Variants in WDPCP observed in about 807,000 individuals in gnomAD.
The protein encoded by WDPCP is WD repeat containing planar cell polarity effector.
A neutral mutation model predicts 93.1 loss-of-function variants in WDPCP; 71 were observed. The observed-to-expected ratio is 0.76, with a 90% CI of 0.63 to 0.93. WDPCP has a LOEUF of 0.93. Ranked by LOEUF, WDPCP falls within the 40% of genes least tolerant of loss-of-function variation. The pLI is 0.00. For missense variants in WDPCP, 844 were observed against 887.4 expected, an observed-to-expected ratio of 0.95 and a Z score of 0.62; for synonymous variants, 315 against 315.0, an observed-to-expected ratio of 1.00 and a Z score of 0.00.
chr2:63,584,731 CTG>C lies in WDPCP; in HGVS notation c.75+3464_75+3465del, dbSNP rs1390818989. Among the ~76,000 whole-genome samples the C allele has an allele frequency of 1.4e-4, 22 of 152,190 alleles. No homozygotes were observed. The East Asian group carries it at 3.9e-3, about 27-fold the overall frequency. On this transcript the variant is annotated intron_variant, in intron 1 of 17. Transcript: ENST00000272321. ...TACGTTTCCAGATATAATGATCACT[CTG>C]TGTTATTAGCCTCATTGTATTAATA...
At chr2:63,525,866 C>T (rs1703302131) in intron 1 of WDPCP, among the ~76,000 whole-genome samples, 1 of 152,134 alleles carries the variant, frequency 6.6e-6, no homozygotes, top group South Asian at 2.1e-4. Flanking sequence ...GGCAAGGCTG[C>T]CTTTCCTTTT....
chr2:63,624,254 C>G (rs568994093), intron 3 of WDPCP, among the ~76,000 whole-genome samples: 7 of 152,094 alleles, frequency 4.6e-5, no homozygotes, highest in Non-Finnish European at 8.8e-5. Flanking sequence ...AATTGACACC[C>G]TGACATCACA....
intron 2 of WDPCP, among the ~76,000 whole-genome samples, chr2:63,804,795 C>T (rs1317039333): frequency 3.3e-5 from 5 of 151,450 alleles, no homozygotes; most frequent in East Asian, 2.0e-4. Flanking sequence ...TTTGGGAGGC[C>T]GAGGCGAGCA....
At chr2:63,830,959 C>T (rs750381194), upstream of WDPCP, among the ~76,000 whole-genome samples, 1 of 152,008 alleles carries the variant, frequency 6.6e-6, no homozygotes, top group Non-Finnish European at 1.5e-5. Context: ...TCTTCTTGAC[C>T]TCTGTCTTGT....
intron 8 of WDPCP, among the ~76,000 whole-genome samples, chr2:63,435,426 C>T (rs909725636): frequency 6.6e-6 from 1 of 152,122 alleles, no homozygotes; most frequent in African/African-American, 2.4e-5. Flanking sequence ...TATTTAAGCT[C>T]TCAATATCAT....
chr2:63,456,742 C>T (rs574231848), intron 6 of WDPCP, among the ~76,000 whole-genome samples: 1 of 152,060 alleles, frequency 6.6e-6, no homozygotes, highest in African/African-American at 2.4e-5. Context: ...TCAGGCCAGG[C>T]ACGGTGGCTC....
At chr2:63,191,645 A>G (rs866950931) in intron 14 of WDPCP, among the ~76,000 whole-genome samples, 6 of 152,178 alleles carry the variant, frequency 3.9e-5, no homozygotes, top group South Asian at 4.2e-4. Context: ...ATTAAACTCT[A>G]TTATTTCTAT....
intron 12 of WDPCP, among the ~76,000 whole-genome samples, chr2:63,355,378 A>T (rs192382483): frequency 6.6e-6 from 1 of 152,304 alleles, no homozygotes; most frequent in Non-Finnish European, 1.5e-5. Flanking sequence ...GAGAAATAAG[A>T]TCCTTTTCAG....
At position 63,132,637 on chromosome 2, in the gene WDPCP, G is replaced by A. The variant is rs892596445; in HGVS notation, c.2191-10581C>T. On this transcript the variant is annotated intron_variant, in intron 17 of 17. Coordinates refer to ENST00000272321, the MANE Select transcript of WDPCP (RefSeq NM_015910.7). ...TTGAATCCCTCTAGTGAATTTTTAA[G>A]TTTGACTATCCCCAGTGTGCCCATT... Among the ~76,000 whole-genome samples the A allele has an allele frequency of 2.0e-5, 3 of 150,516 alleles. No individual in the cohort carries two copies. In the Admixed American group the frequency reaches 2.0e-4, roughly 10 times the overall value.
At chr2:63,277,466 GCATAAGAATT>G (rs1300496278) in intron 13 of WDPCP, among the ~76,000 whole-genome samples, 1 of 152,186 alleles carries the variant, frequency 6.6e-6, no homozygotes, top group Non-Finnish European at 1.5e-5. Flanking sequence ...ATGGCAGAAT[GCATAAGAATT>G]CACCAACCAA....
At chr2:63,430,614 T>C (rs1438886762) in intron 9 of WDPCP, among the ~76,000 whole-genome samples, 3 of 152,230 alleles carry the variant, frequency 2.0e-5, no homozygotes, top group East Asian at 1.9e-4. Flanking sequence ...CTGGGCGTGG[T>C]GGCTCATGCC....
At chr2:63,812,147 G>A (rs1244454868) in intron 2 of WDPCP, among the ~76,000 whole-genome samples, 1 of 152,118 alleles carries the variant, frequency 6.6e-6, no homozygotes, top group Non-Finnish European at 1.5e-5. Flanking sequence ...TTACAGGCAT[G>A]AGCCACCATG....
intron 10 of WDPCP, among the ~76,000 whole-genome samples, chr2:63,391,455 G>A (rs1394754833): frequency 1.3e-5 from 2 of 152,076 alleles, no homozygotes; most frequent in African/African-American, 2.4e-5. Flanking sequence ...GGCAAAAACG[G>A]GAAGCATTCC....
chr2:63,532,002 T>A (rs557802190), intron 1 of WDPCP, among the ~76,000 whole-genome samples: 1 of 152,112 alleles, frequency 6.6e-6, no homozygotes, highest in Non-Finnish European at 1.5e-5. Flanking sequence ...ATAACCAGCA[T>A]AGAGAAGACC....
chr2:63,479,289 A>G (rs1476641746), intron 6 of WDPCP, among the ~76,000 whole-genome samples: 1 of 152,140 alleles, frequency 6.6e-6, no homozygotes, highest in Admixed American at 6.6e-5. Context: ...AATCCTATTG[A>G]CACTATTCCA....
Position 63,174,734 on chromosome 2 carries a change from G to C in WDPCP, c.2014C>G (p.Pro672Ala), listed in dbSNP as rs1673672226. The C allele has an allele frequency of 6.2e-7, 1 of 1,613,828 alleles. No homozygotes were observed. The highest frequency in any genetic ancestry group is 1.7e-5 in the Admixed American group (1 of 59,992). ...QGEDSFPDNL[P>A]PSCPTHRHIL... ...TGTCTGTGGGTTGGGCAAGAGGGAG[G>C]GAGGTTATCTGGAAATGAGTCTTCT... The change falls in exon 15 of 18, where the codon CCT becomes GCT. Residue 672 changes from proline to alanine, a missense_variant. Transcript: ENST00000272321.
rs138228457 is a variant in WDPCP at position 63,146,945 on chromosome 2, T to A, written c.2190+5969A>T. The stretch of plus-strand genomic sequence containing the variant: ...GAACTTTACTGTATATTTAAAACTT[T>A]TCATAATAAAATTTTGGTAAAACTA... On this transcript the variant is annotated intron_variant, in intron 17 of 17. Coordinates refer to ENST00000272321, the MANE Select transcript of WDPCP (RefSeq NM_015910.7). 3.3e-3 allele frequency among the ~76,000 whole-genome samples: 503 copies of A among 152,282 alleles called. 3 individuals carry two copies. Among genetic ancestry groups the A allele is most frequent in the Middle Eastern group, 0.014 (4 of 294 alleles).
At chr2:63,243,242 G>A in intron 14 of WDPCP, among the ~76,000 whole-genome samples, 1 of 152,138 alleles carries the variant, frequency 6.6e-6, no homozygotes, top group Non-Finnish European at 1.5e-5. Context: ...TGGTGTGATT[G>A]ATAGAGTGTC....
intron 2 of WDPCP, among the ~76,000 whole-genome samples, chr2:63,790,731 G>A (rs1670532140): frequency 1.3e-5 from 2 of 152,120 alleles, no homozygotes; most frequent in Non-Finnish European, 2.9e-5. Flanking sequence ...TTCTGTACAG[G>A]ACTTTTGAAA....
Sources: allele counts gnomAD v4.1 joint callset (sites outside exome capture counted in the v4.1 genomes callset), GRCh38; gene constraint gnomAD v4.1.1; transcripts MANE v1.5; gene names NCBI Gene and HGNC (gene_info 2026-07-23, HGNC 2026-07-21).